The following LIPA variants were observed in gnomAD, a reference collection of about 807,000 sequenced individuals.
The protein encoded by LIPA is lipase A, lysosomal acid type.
In LIPA, 26 loss-of-function variants were observed where a neutral mutation model predicts 40.6. That is an observed-to-expected ratio of 0.64 (90% confidence interval 0.47 to 0.89). LIPA has a LOEUF of 0.89. LIPA is among the 40% of genes least tolerant of loss of function. LIPA has a pLI of 0.00. For missense variants in LIPA, 455 were observed against 479.6 expected (o/e 0.95, Z 0.48); for synonymous variants, 188 against 168.4 (o/e 1.12, Z -0.90).
At chr10:89,335,695 C>G (rs1414061522) in intron 1 of LIPA, among the ~76,000 whole-genome samples, 1 of 151,732 alleles carries the variant, frequency 6.6e-6, no homozygotes, top group Non-Finnish European at 1.5e-5. Context: ...TAGTGTTCAG[C>G]TATTTTTTTC....
At chr10:89,319,849 C>A (rs964799672) in intron 1 of LIPA, among the ~76,000 whole-genome samples, 9 of 152,296 alleles carry the variant, frequency 5.9e-5, no homozygotes, top group Middle Eastern at 3.4e-3. Flanking sequence ...TCCAGCAGCA[C>A]ATCAAAAAGC....
intron 2 of LIPA, among the ~76,000 whole-genome samples, chr10:89,389,783 G>A (rs1387753447): frequency 1.3e-5 from 2 of 152,098 alleles, no homozygotes; most frequent in African/African-American, 4.8e-5. Context: ...CCATTGTGTA[G>A]GTGAGGAAAC....
chr10:89,414,282 C>CA (rs1347700873), intron 1 of LIPA: 1 of 153,478 alleles, frequency 6.5e-6, no homozygotes, highest in African/African-American at 2.4e-5. Flanking sequence ...GTAATCCCAG[C>CA]ACCTTGGGAG....
At chr10:89,267,772 T>G (rs866101292) in intron 1 of LIPA, among the ~76,000 whole-genome samples, 11 of 122,858 alleles carry the variant, frequency 9.0e-5, no homozygotes, top group Middle Eastern at 4.3e-3. Flanking sequence ...AAGAAAGAAA[T>G]AATTACTCTA....
rs112248349 is a variant in LIPA at position 89,227,012 on chromosome 10, C to A, written c.429-8G>T. The A allele has an allele frequency of 2.1e-4, 314 of 1,494,308 alleles. No individual in the cohort carries two copies. The highest frequency in any genetic ancestry group is 2.6e-4 in the Non-Finnish European group (278 of 1,070,994). The allele number at this position is 1,494,308 out of a possible 1,614,324, so 92.6% of individuals were successfully genotyped here. On this transcript the variant is annotated splice_region_variant and splice_polypyrimidine_tract_variant and intron_variant, in intron 4 of 9. Coordinates refer to ENST00000336233, the MANE Select transcript of LIPA (RefSeq NM_000235.4). ...TTTGCCATCTCATCATAACTGTAAT[C>A]CAAGAAAGGAACTCTTTCATTGAAA... is the stretch of plus-strand genomic sequence containing the variant.
intron 2 of LIPA, among the ~76,000 whole-genome samples, chr10:89,375,651 C>T (rs966217135): frequency 6.6e-6 from 1 of 152,166 alleles, no homozygotes; most frequent in Non-Finnish European, 1.5e-5. Flanking sequence ...TCATTCTTCC[C>T]TTTCAGCAAA....
Position 89,296,718 on chromosome 10 carries a change from A to T in LIPA, c.-2+45893T>A, listed in dbSNP as rs555641274. On this transcript the variant is annotated intron_variant, in intron 1 of 5. Coordinates refer to the LIPA transcript ENST00000282673. ...TCCCAAGACTGAATAACCTACCTTA[A>T]CAACCTCAGTTTTGCTGGAGAATGT... 7.2e-5 allele frequency among the ~76,000 whole-genome samples: 11 copies of T among 152,268 alleles called. No homozygotes were observed. The South Asian group carries it at 1.7e-3, about 23-fold the overall frequency.
chr10:89,348,144 A>C (rs925203007), intron 2 of LIPA, among the ~76,000 whole-genome samples: 10 of 152,208 alleles, frequency 6.6e-5, no homozygotes. Context: ...TTGTGCTCAG[A>C]GGCTCAGCAA....
At chr10:89,349,370 G>T (rs1843944134) in intron 2 of LIPA, among the ~76,000 whole-genome samples, 1 of 152,154 alleles carries the variant, frequency 6.6e-6, no homozygotes, top group Non-Finnish European at 1.5e-5. Context: ...TGATCTCACT[G>T]GGTTTGGGGC....
rs746623514 is a variant in LIPA, at chr10:89,263,567, G to T, written c.-1-15918C>A. Among the ~76,000 whole-genome samples the T allele has an allele frequency of 4.6e-5, 7 of 152,224 alleles. No individual in the cohort carries two copies. The East Asian group carries it at 1.2e-3, about 25-fold the overall frequency. ...ATACAAAACCTACACAGAAAGTTATGATTAATCAAAAGTTGCTTGAGAAGC... is the reference window on the plus strand; with the variant it reads ...ATACAAAACCTACACAGAAAGTTATTATTAATCAAAAGTTGCTTGAGAAGC... On this transcript the variant is annotated intron_variant, in intron 1 of 5. Transcript: ENST00000282673.
intron 2 of LIPA, among the ~76,000 whole-genome samples, chr10:89,386,946 A>AGAGTGTGTGT (rs1844213779): frequency 7.9e-6 from 1 of 125,872 alleles, no homozygotes; most frequent in African/African-American, 2.8e-5. Context: ...TGGGTATATG[A>AGAGTGTGTGT]GTGTGTGTGT....
rs375237431 is a variant in LIPA at position 89,392,709 on chromosome 10, A to G, written c.61+20082T>C. 6 of 1,614,044 alleles carry G rather than the reference A, an allele frequency of 3.7e-6. No homozygotes were observed. In the African/African-American group the frequency reaches 4.0e-5, roughly 11 times the overall value. On this transcript the variant is annotated intron_variant, in intron 2 of 8. Coordinates refer to the LIPA transcript ENST00000371837. ...GCAGAACGGCTGCCTAATTTACAGC[A>G]ACCATGAGGTAAGGATTTCTTTGCT...
chr10:89,270,789 A>C (rs541658656), intron 1 of LIPA, among the ~76,000 whole-genome samples: 1 of 152,356 alleles, frequency 6.6e-6, no homozygotes, highest in East Asian at 1.9e-4. Flanking sequence ...TGTCTGTGAC[A>C]GATAGGGAGG....
intron 1 of LIPA, among the ~76,000 whole-genome samples, chr10:89,326,326 G>T (rs541559805): frequency 1.1e-4 from 16 of 152,284 alleles, no homozygotes; most frequent in African/African-American, 3.8e-4. Context: ...AGTGAATTAA[G>T]CCAGGCACAG....
chr10:89,268,592 C>G (rs540714252), intron 1 of LIPA, among the ~76,000 whole-genome samples: 1 of 152,074 alleles, frequency 6.6e-6, no homozygotes, highest in Non-Finnish European at 1.5e-5. Context: ...TACTTTTATT[C>G]CCACTCAATA....
intron 2 of LIPA, chr10:89,378,098 C>T (rs767840489): frequency 6.0e-5 from 97 of 1,612,912 alleles, no homozygotes; most frequent in Non-Finnish European, 7.6e-5. Context: ...CAAGCCTGAA[C>T]CAAAGCACTA....
intron 1 of LIPA, among the ~76,000 whole-genome samples, chr10:89,316,268 C>T (rs1486520767): frequency 6.6e-6 from 1 of 152,210 alleles, no homozygotes; most frequent in Non-Finnish European, 1.5e-5. Flanking sequence ...CAGGGCGGGG[C>T]ATCGCCTCAC....
chr10:89,267,427 G>A (rs1218595014), intron 1 of LIPA, among the ~76,000 whole-genome samples: 1 of 151,992 alleles, frequency 6.6e-6, no homozygotes, highest in African/African-American at 2.4e-5. Flanking sequence ...GTCCCAGCAG[G>A]GAGAGAACCA....
At chr10:89,402,548 T>A in intron 2 of LIPA, 1 of 1,613,966 alleles carries the variant, frequency 6.2e-7, no homozygotes, top group Non-Finnish European at 8.5e-7. Context: ...ACCAAGCAAA[T>A]GTGAGGAGTC....
Sources: gnomAD v4.1 joint callset for allele counts (sites outside exome capture counted in the v4.1 genomes callset) on GRCh38, gnomAD v4.1.1 for gene constraint, MANE v1.5 for transcripts, NCBI Gene and HGNC (gene_info 2026-07-23, HGNC 2026-07-21) for gene names.